Variants in SH2D2A observed in about 807,000 individuals in gnomAD.
The protein encoded by SH2D2A is SH2 domain containing 2A.
In SH2D2A, 33 loss-of-function variants were observed where a neutral mutation model predicts 43.6. The ratio of observed to expected loss-of-function variants is 0.76; its 90% CI spans 0.57 to 1.01. The LOEUF (loss-of-function observed/expected upper bound fraction) is 1.01, where lower values mean the gene tolerates loss of function less well. Ranked by LOEUF, SH2D2A falls within the 50% of genes least tolerant of loss-of-function variation. SH2D2A has a pLI of 0.00. For synonymous variants in SH2D2A, 212 were observed against 206.1 expected (o/e 1.03, Z -0.25); for missense variants, 491 against 503.1 (o/e 0.98, Z 0.23).
rs59571284 is a variant in SH2D2A at position 156,810,525 on chromosome 1, A to ATTT, written c.568-721_568-719dup. 3.4e-3 allele frequency among the ~76,000 whole-genome samples: 497 copies of ATTT among 146,732 alleles called. 3 individuals carry two copies. Among genetic ancestry groups the ATTT allele is most frequent in the African/African-American group, 9.0e-3 (361 of 39,918 alleles). ...CGGTTACTTTATGGAAATATAAGCT[A>ATTT]TTTTTTTTTTTTTGAGACCAAGTCT... is the stretch of plus-strand genomic sequence containing the variant. On this transcript the variant is annotated intron_variant, in intron 5 of 8. Transcript: ENST00000368199.
rs1653626416 is a variant in SH2D2A, at chr1:156,813,992, G to A, written c.423C>T (p.Phe141=). The A allele has an allele frequency of 6.6e-7, 1 of 1,521,484 alleles. No individual in the cohort carries two copies. The highest frequency in any genetic ancestry group is 1.4e-5 in the African/African-American group (1 of 72,736). The allele number at this position is 1,521,484 out of a possible 1,614,324, so 94.2% of individuals were successfully genotyped here. The part of the protein sequence containing the change: ...TYRSRTCCRH[F]LLAQLRDGRH... ...GCCCGTCCCTGAGCTGGGCCAGCAG[G>A]AAGTGGCGGCAGCAAGTCCGGCTCC... The change falls in exon 5 of 9, where the codon TTC becomes TTT. Residue 141 remains phenylalanine, a synonymous_variant. Coordinates refer to ENST00000368199, the MANE Select transcript of SH2D2A (RefSeq NM_003975.4).
Position 156,809,866 on chromosome 1 carries a change from T to G in SH2D2A, c.568-59A>C. On this transcript the variant is annotated intron_variant, in intron 5 of 8. Transcript: ENST00000368199. The surrounding 1 kb of genome is among the most constrained non-coding windows in gnomAD (Gnocchi z 4.8). ...TGGAGCGTTGGGGTGGGGGAGGTGATCAGGAGGACAAAATAATCCAGTCTA... is the reference window on the plus strand; with the variant it reads ...TGGAGCGTTGGGGTGGGGGAGGTGAGCAGGAGGACAAAATAATCCAGTCTA... 17 of 1,534,992 alleles carry G rather than the reference T, an allele frequency of 1.1e-5. No individual in the cohort carries two copies. The highest frequency in any genetic ancestry group is 1.4e-5 in the African/African-American group (1 of 72,034).
At chr1:156,812,344 C>T (rs943555) in intron 5 of SH2D2A, among the ~76,000 whole-genome samples, 1 of 151,932 alleles carries the variant, frequency 6.6e-6, no homozygotes, top group Non-Finnish European at 1.5e-5. Context: ...GTCTACAGGG[C>T]CCCCCTCCCT....
chr1:156,814,659 G>A, intron 3 of SH2D2A: 1 of 397,314 alleles, frequency 2.5e-6, no homozygotes. Context: ...GAGAAATGAG[G>A]CTGAGAAATG....
intron 2 of SH2D2A, 119 bp from the exon 3 acceptor site, chr1:156,815,340 T>A: frequency 1.3e-6 from 1 of 769,776 alleles, no homozygotes; most frequent in Non-Finnish European, 2.0e-6. Context: ...TATTTTAGGG[T>A]ACAATTGCCC....
At chr1:156,808,359 T>C (rs1653128611) in intron 7 of SH2D2A, among the ~76,000 whole-genome samples, 1 of 151,926 alleles carries the variant, frequency 6.6e-6, no homozygotes, top group Non-Finnish European at 1.5e-5. Flanking sequence ...CTGTTGGCCG[T>C]GTTGAGTTTG....
intron 1 of SH2D2A, among the ~76,000 whole-genome samples, chr1:156,816,405 G>T (rs1653936927): frequency 2.0e-5 from 3 of 152,282 alleles, no homozygotes; most frequent in African/African-American, 4.8e-5. Flanking sequence ...TCTGGTCCAG[G>T]ATCTTCTGCC....
rs925925052 is a variant in SH2D2A at position 156,814,978 on chromosome 1, A to G, written c.308+59T>C. ...TCATCTATTCCTGGCAGGTGGCAGGACCCAGACCCAGGACTTGCCCTGCCC... is the reference window on the plus strand; with the variant it reads ...TCATCTATTCCTGGCAGGTGGCAGGGCCCAGACCCAGGACTTGCCCTGCCC... On this transcript the variant is annotated intron_variant, in intron 3 of 8. Coordinates refer to ENST00000368199, the MANE Select transcript of SH2D2A (RefSeq NM_003975.4). 8 of 1,383,646 alleles carry G rather than the reference A, an allele frequency of 5.8e-6. No homozygotes were observed. In the Admixed American group the frequency reaches 2.2e-4, roughly 37 times the overall value. The allele number at this position is 1,383,646 out of a possible 1,614,324, so 85.7% of individuals were successfully genotyped here.
At chr1:156,813,821 T>A in intron 5 of SH2D2A, 27 bp downstream of exon 5, 1 of 1,392,980 alleles carries the variant, frequency 7.2e-7, no homozygotes, top group Non-Finnish European at 9.3e-7. Flanking sequence ...GACCCTGGGC[T>A]CTCTGGTCAG....
Position 156,809,565 on chromosome 1 carries a change from T to C in SH2D2A, c.715-75A>G. The C allele has an allele frequency of 6.4e-7, 1 of 1,553,484 alleles. No homozygotes were observed. Reference sequence around the variant, plus strand: ...TAAAGCCCCAGCCTAACTCCCAGCCTGAGCCTCTGCCCCCGCTAGGCCCCT... The same window carrying C: ...TAAAGCCCCAGCCTAACTCCCAGCCCGAGCCTCTGCCCCCGCTAGGCCCCT... On this transcript the variant is annotated intron_variant, in intron 6 of 8. Coordinates refer to ENST00000368199, the MANE Select transcript of SH2D2A (RefSeq NM_003975.4). This position sits in a 1 kb window ranked among gnomAD's most constrained non-coding sequence, Gnocchi z 4.8.
In SH2D2A at chr1:156,807,356, A is replaced by G; in HGVS notation, c.1003-11T>C. 2 of 1,522,770 alleles carry G rather than the reference A, an allele frequency of 1.3e-6. No individual in the cohort carries two copies. The highest frequency in any genetic ancestry group is 1.8e-6 in the Non-Finnish European group (2 of 1,140,732). 94.3% of individuals were successfully genotyped at this position (1,522,770 alleles called of 1,614,324 possible). On this transcript the variant is annotated splice_polypyrimidine_tract_variant and intron_variant, in intron 7 of 8. Coordinates refer to ENST00000368199, the MANE Select transcript of SH2D2A (RefSeq NM_003975.4). This position sits in a 1 kb window ranked among gnomAD's most constrained non-coding sequence, Gnocchi z 5.1. ...GGAGCCACCTGTATTCTGCAGAGAGAAGGACAGTTCTAGGTCACACCCTCT... is the reference window on the plus strand; with the variant it reads ...GGAGCCACCTGTATTCTGCAGAGAGGAGGACAGTTCTAGGTCACACCCTCT...
intron 5 of SH2D2A, among the ~76,000 whole-genome samples, chr1:156,813,311 G>A (rs1027319636): frequency 6.6e-6 from 1 of 152,184 alleles, no homozygotes; most frequent in Non-Finnish European, 1.5e-5. Context: ...CAGCAACAGG[G>A]ATGGGAAAGT....
intron 5 of SH2D2A, among the ~76,000 whole-genome samples, chr1:156,810,290 C>T (rs1257109854): frequency 6.6e-6 from 1 of 152,232 alleles, no homozygotes; most frequent in Non-Finnish European, 1.5e-5. Flanking sequence ...CCTCCCACCT[C>T]AGCCTTCTTG....
At position 156,815,175 on chromosome 1, in the gene SH2D2A, T is replaced by G. The variant is rs530258515; in HGVS notation, c.170A>C (p.Glu57Ala). The G allele has an allele frequency of 1.9e-6, 3 of 1,599,292 alleles. No homozygotes were observed. Among genetic ancestry groups the G allele is most frequent in the East Asian group, 4.5e-5 (2 of 44,166 alleles). The change falls in exon 3 of 9, where the codon GAG (glutamate) becomes GCG (alanine). Residue 57 changes from glutamate (E) to alanine (A), a missense_variant. Coordinates refer to ENST00000368199, the MANE Select transcript of SH2D2A (RefSeq NM_003975.4). The part of the protein sequence containing the change: ...PEAASNTGNA[E>A]RAEEVPGEGS... ...TTCTCCAGGCACCTCCTCTGCCCTC[T>G]CAGCATTCCCTGTGTTGGAGGCAGC...
intron 3 of SH2D2A, 81 bp downstream of exon 3, chr1:156,814,956 T>C: frequency 7.9e-7 from 1 of 1,262,500 alleles, no homozygotes; most frequent in Non-Finnish European, 1.1e-6. Context: ...GGAGCCTTCA[T>C]CTATTCCTGG....
intron 3 of SH2D2A, 24 bp downstream of exon 3, chr1:156,815,013 C>A: frequency 6.9e-7 from 1 of 1,447,408 alleles, no homozygotes; most frequent in Non-Finnish European, 9.2e-7. Context: ...CCTGTCTGGG[C>A]CAATTTCCTC....
chr1:156,814,004 G>A lies in SH2D2A; in HGVS notation c.411C>T (p.Cys137=). Residue 137 remains cysteine (C), a synonymous_variant, in exon 5 of 9, where the codon TGC becomes TGT. Coordinates refer to ENST00000368199, the MANE Select transcript of SH2D2A (RefSeq NM_003975.4). ...GCTGGGCCAGCAGGAAGTGGCGGCA[G>A]CAAGTCCGGCTCCTGGAGGGCGCCG... ...TFVLTYRSRT[C]CRHFLLAQLR... 6.6e-7 allele frequency: 1 copy of A among 1,513,788 alleles called. No homozygotes were observed. The highest frequency in any genetic ancestry group is 8.8e-7 in the Non-Finnish European group (1 of 1,131,042). 93.8% of individuals were successfully genotyped at this position (1,513,788 alleles called of 1,614,324 possible).
rs774736434 is a variant in SH2D2A, at chr1:156,816,021, G to T, written c.108C>A (p.Asn36Lys). The stretch of plus-strand genomic sequence containing the variant: ...TTCCACTCACCGCAGTGTAGCCCAG[G>T]TTCTGGCAGCTCCTGCGGGTCATGT... Reference protein sequence around the residue: ...ITDMTRRSCQNLGYTAASPQA... With the variant: ...ITDMTRRSCQKLGYTAASPQA... Residue 36 changes from asparagine to lysine, a missense_variant, in exon 2 of 9, where the codon AAC becomes AAA. Transcript: ENST00000368199. 4 of 1,614,048 alleles carry T rather than the reference G, an allele frequency of 2.5e-6. No individual in the cohort carries two copies. Among genetic ancestry groups the T allele is most frequent in the East Asian group, 4.5e-5 (2 of 44,872 alleles).
chr1:156,816,115 G>C (rs753901156), intron 1 of SH2D2A, 21 bp from the exon 2 acceptor site: 1 of 1,603,334 alleles, frequency 6.2e-7, no homozygotes, highest in South Asian at 1.1e-5. Flanking sequence ...AAAGAGGGCT[G>C]CCGGGGTTTC....
Sources: allele counts gnomAD v4.1 joint callset (sites outside exome capture counted in the v4.1 genomes callset), GRCh38; gene constraint gnomAD v4.1.1; non-coding constraint Gnocchi (gnomAD v3.1); transcripts MANE v1.5; gene names NCBI Gene and HGNC (gene_info 2026-07-23, HGNC 2026-07-21).